PCDHGA10: variants seen among roughly 807,000 people sequenced by gnomAD.
PCDHGA10 encodes protocadherin gamma-A10.
PCDHGA10 carries 42 observed loss-of-function variants against 59.5 expected under a neutral mutation model. The observed-to-expected ratio is 0.71, with a 90% CI of 0.55 to 0.91. The LOEUF (loss-of-function observed/expected upper bound fraction) is 0.91. Among genes scored for constraint, PCDHGA10 ranks in the 40% least tolerant of loss-of-function variants. PCDHGA10 has a pLI of 0.00. For synonymous variants in PCDHGA10, 511 were observed against 517.2 expected (o/e 0.99, Z 0.16); for missense variants, 1,111 against 1,198.2 (o/e 0.93, Z 1.07).
chr5:141,423,489 T>C (rs764165685), intron 1 of PCDHGA10: 1 of 1,614,016 alleles, frequency 6.2e-7, no homozygotes, highest in South Asian at 1.1e-5. Context: ...TGCAAACCTA[T>C]TCCCACGAGG....
intron 1 of PCDHGA10, chr5:141,426,867 G>C (rs1436078091): frequency 2.2e-6 from 1 of 456,590 alleles, no homozygotes; most frequent in African/African-American, 2.0e-5. Flanking sequence ...ATTAGTGCTG[G>C]AGAAGCCCCT....
intron 1 of PCDHGA10, chr5:141,420,939 C>A: frequency 2.6e-6 from 1 of 387,512 alleles, no homozygotes; most frequent in South Asian, 5.2e-5. Context: ...GTAATCATTT[C>A]TTCTGGAATT....
At chr5:141,473,907 C>A (rs552055360) in intron 1 of PCDHGA10, among the ~76,000 whole-genome samples, 1 of 152,102 alleles carries the variant, frequency 6.6e-6, no homozygotes. Flanking sequence ...ATGAAGAGGT[C>A]TTAAGAAAAC....
intron 1 of PCDHGA10, among the ~76,000 whole-genome samples, chr5:141,481,820 C>T (rs2099545799): frequency 6.6e-6 from 1 of 150,726 alleles, no homozygotes; most frequent in Non-Finnish European, 1.5e-5. Context: ...GGCGTGGTGG[C>T]TGAGGCAGGA....
intron 1 of PCDHGA10, chr5:141,422,963 C>G (rs372620011): frequency 1.1e-5 from 17 of 1,614,238 alleles, no homozygotes; most frequent in Non-Finnish European, 1.4e-5. Context: ...GTGGAGCTGG[C>G]GCCCCGCTCT....
chr5:141,426,970 A>G (rs772659046), intron 1 of PCDHGA10: 1 of 456,742 alleles, frequency 2.2e-6, no homozygotes. Context: ...ATTCAAATTG[A>G]GGTCACTGAT....
At chr5:141,471,492 G>A (rs912591449) in intron 1 of PCDHGA10, 1 of 152,176 alleles carries the variant, frequency 6.6e-6, no homozygotes, top group Non-Finnish European at 1.5e-5. Context: ...GGAATTTAGG[G>A]AATGCAAGAG....
In PCDHGA10 at chr5:141,485,580, A is replaced by C. The variant is rs761157560; in HGVS notation, c.2437-9227A>C. The C allele has an allele frequency of 6.2e-7, 1 of 1,612,610 alleles. No homozygotes were observed. The highest frequency in any genetic ancestry group is 2.2e-5 in the East Asian group (1 of 44,850). ...GATCACGCCCCCCGTTTTCCGCGGCAGCAGCTGGACTTGGAAATTGGGGAG... is the reference window on the plus strand; with the variant it reads ...GATCACGCCCCCCGTTTTCCGCGGCCGCAGCTGGACTTGGAAATTGGGGAG... On this transcript the variant is annotated intron_variant, in intron 1 of 3. Transcript: ENST00000398610. The surrounding 1 kb of genome is among the most constrained non-coding windows in gnomAD (Gnocchi z 5.7).
Position 141,511,464 on chromosome 5 carries a change from C to G in PCDHGA10, c.*291C>G. 1.9e-6 allele frequency: 1 copy of G among 538,254 alleles called. No individual in the cohort carries two copies. The highest frequency in any genetic ancestry group is 2.1e-5 in the South Asian group (1 of 47,028). The allele number at this position is 538,254 out of a possible 1,614,324, so 33.3% of individuals were successfully genotyped here. On this transcript the variant is annotated 3_prime_UTR_variant, in exon 4 of 4. Transcript: ENST00000398610. ...ACACCAAGAACCATTTGCCACACCC[C>G]GTTTAGTTACAGCTGAACTCCTCCA...
intron 1 of PCDHGA10, chr5:141,478,905 G>T (rs1593970684): frequency 1.1e-6 from 1 of 930,214 alleles, no homozygotes; most frequent in East Asian, 2.7e-5. Flanking sequence ...GGAATAAGCT[G>T]CTGGATACCT....
intron 1 of PCDHGA10, among the ~76,000 whole-genome samples, chr5:141,450,830 T>A (rs923422605): frequency 3.0e-5 from 3 of 101,548 alleles, no homozygotes; most frequent in African/African-American, 1.3e-4. Context: ...ATTATTATTA[T>A]TTTTTTTTTT....
chr5:141,450,916 C>T (rs1168320527), intron 1 of PCDHGA10, among the ~76,000 whole-genome samples: 1 of 151,580 alleles, frequency 6.6e-6, no homozygotes, highest in Admixed American at 6.6e-5. Flanking sequence ...CCGCTGCCTC[C>T]CAGATTCAAG....
At chr5:141,419,151 C>A in intron 1 of PCDHGA10, 1 of 1,613,918 alleles carries the variant, frequency 6.2e-7, no homozygotes. Context: ...GGCAAGCCTC[C>A]GTTATCCTCC....
rs3074545 is a variant in PCDHGA10, at chr5:141,482,530, C to CAAAAAAA, written c.2437-12264_2437-12258dup. On this transcript the variant is annotated intron_variant, in intron 1 of 3. Coordinates refer to ENST00000398610, the MANE Select transcript of PCDHGA10 (RefSeq NM_018913.3). ...CAGAGTACAGTATGAGACAGACATG[C>CAAAAAAA]AAAAAAAAAAAAAAAAAAAGATAAT... Among the ~76,000 whole-genome samples the CAAAAAAA allele has an allele frequency of 6.5e-4, 50 of 76,534 alleles. 2 individuals are homozygous for CAAAAAAA. The highest frequency in any genetic ancestry group is 1.7e-3 in the African/African-American group (35 of 20,860). 50.2% of individuals were successfully genotyped at this position (76,534 alleles called of 152,430 possible).
rs2099697598 is a variant in PCDHGA10 at position 141,490,236 on chromosome 5, C to T, written c.2437-4571C>T. On this transcript the variant is annotated intron_variant, in intron 1 of 3. Coordinates refer to ENST00000398610, the MANE Select transcript of PCDHGA10 (RefSeq NM_018913.3). This position sits in a 1 kb window ranked among gnomAD's most constrained non-coding sequence, Gnocchi z 5.4. ...ACCAGGGACAGCCTGCCATGGAGGG[C>T]CACTGTGTGATTCAAGTGGATGTGG... is the stretch of plus-strand genomic sequence containing the variant. 1 of 1,614,078 alleles carries T rather than the reference C, an allele frequency of 6.2e-7. No homozygotes were observed. The highest frequency in any genetic ancestry group is 1.1e-5 in the South Asian group (1 of 91,088).
In PCDHGA10 at chr5:141,490,274, A is replaced by G. The variant is rs1285515971; in HGVS notation, c.2437-4533A>G. The G allele has an allele frequency of 6.2e-7, 1 of 1,614,228 alleles. No individual in the cohort carries two copies. Among genetic ancestry groups the G allele is most frequent in the Non-Finnish European group, 8.5e-7 (1 of 1,180,038 alleles). On this transcript the variant is annotated intron_variant, in intron 1 of 3. Transcript: ENST00000398610. This position sits in a 1 kb window ranked among gnomAD's most constrained non-coding sequence, Gnocchi z 5.4. ...CAAGTGGATGTGGGGGATGTCAATGACAATGCCCCAGAGGTGCTATTGGCC... is the reference window on the plus strand; with the variant it reads ...CAAGTGGATGTGGGGGATGTCAATGGCAATGCCCCAGAGGTGCTATTGGCC...
intron 1 of PCDHGA10, among the ~76,000 whole-genome samples, chr5:141,454,607 T>C (rs1207742002): frequency 6.6e-6 from 1 of 151,574 alleles, no homozygotes; most frequent in Non-Finnish European, 1.5e-5. Flanking sequence ...GGTTTCTCCA[T>C]GTTGGTCAGG....
chr5:141,462,202 C>T (rs188546035), intron 1 of PCDHGA10, among the ~76,000 whole-genome samples: 1,522 of 152,002 alleles, frequency 0.01, 33 homozygotes, highest in African/African-American at 0.034. Flanking sequence ...TCAGGTGATC[C>T]GCCTGCCTCG....
chr5:141,429,416 T>C (rs527999196), intron 1 of PCDHGA10, among the ~76,000 whole-genome samples: 1 of 152,230 alleles, frequency 6.6e-6, no homozygotes, highest in Admixed American at 6.5e-5. Flanking sequence ...GGTCTCATTA[T>C]GTTGCCCAGG....
Sources: gnomAD v4.1 joint callset for allele counts (sites outside exome capture counted in the v4.1 genomes callset) on GRCh38, gnomAD v4.1.1 for gene constraint, Gnocchi (gnomAD v3.1) non-coding constraint, MANE v1.5 for transcripts, NCBI Gene and HGNC (gene_info 2026-07-23, HGNC 2026-07-21) for gene names.